The following WNT4 variants were observed in gnomAD, a reference collection of about 807,000 sequenced individuals.
WNT4 encodes the protein protein Wnt-4.
In WNT4, 16 loss-of-function variants were observed where a neutral mutation model predicts 34.5. The ratio of observed to expected loss-of-function variants is 0.46; its 90% CI spans 0.31 to 0.70. The LOEUF is 0.70. WNT4 is among the 30% of genes least tolerant of loss of function. The pLI is 0.04. For missense variants in WNT4, 379 were observed against 495.9 expected, an observed-to-expected ratio of 0.76 and a Z score of 2.24; for synonymous variants, 200 against 211.9, an observed-to-expected ratio of 0.94 and a Z score of 0.49.
At chr1:22,128,754 C>CT (rs1228035436) in intron 2 of WNT4, among the ~76,000 whole-genome samples, 1 of 151,384 alleles carries the variant, frequency 6.6e-6, no homozygotes. Context: ...GAGTCTAGCT[C>CT]TGTCTCCCAG....
At chr1:22,123,889 G>A (rs1226328314) in intron 2 of WNT4, among the ~76,000 whole-genome samples, 1 of 152,230 alleles carries the variant, frequency 6.6e-6, no homozygotes, top group East Asian at 1.9e-4. Flanking sequence ...CTTTACTGGG[G>A]GATGGTGAAC....
chr1:22,123,532 C>T (rs1437920095), intron 2 of WNT4, among the ~76,000 whole-genome samples: 1 of 152,228 alleles, frequency 6.6e-6, no homozygotes, highest in African/African-American at 2.4e-5. Context: ...TTACCATGTG[C>T]TGGGCTCTGT....
rs977435155 is a variant in WNT4, at chr1:22,142,733, G to C, written c.77+113C>G. ...CGAGCGAGCCTCCGGTCCCGCGGCC[G>C]AGACACCTGCCGGGCTGCCCCGCGC... is the stretch of plus-strand genomic sequence containing the variant. On this transcript the variant is annotated intron_variant, in intron 1 of 4. Coordinates refer to ENST00000290167, the MANE Select transcript of WNT4 (RefSeq NM_030761.5). The surrounding 1 kb of genome is among the most constrained non-coding windows in gnomAD (Gnocchi z 6.0). 20 of 752,758 alleles carry C rather than the reference G, an allele frequency of 2.7e-5. No homozygotes were observed. The highest frequency in any genetic ancestry group is 3.1e-5 in the Non-Finnish European group (19 of 618,492). The allele number at this position is 752,758 out of a possible 1,614,324, so 46.6% of individuals were successfully genotyped here. A position where few individuals can be genotyped will look rare whatever the true frequency, so the allele number is the denominator to read the frequency against.
intron 1 of WNT4, among the ~76,000 whole-genome samples, chr1:22,136,656 C>CG (rs1646024875): frequency 6.6e-6 from 1 of 152,018 alleles, no homozygotes; most frequent in East Asian, 1.9e-4. Flanking sequence ...TCAGCGGCTG[C>CG]GGGAACAGCT....
intron 3 of WNT4, 31 bp downstream of exon 3, chr1:22,121,414 C>A: frequency 6.2e-7 from 1 of 1,613,868 alleles, no homozygotes; most frequent in African/African-American, 1.3e-5. Flanking sequence ...AAGCCCCCTG[C>A]CCTCCCACTC....
In WNT4 at chr1:22,119,647, C is replaced by T. The variant is rs923385892; in HGVS notation, c.*403G>A. ...CCAGAGGGTGTGACTTCCATCAAGT[C>T]GGTACCTATTTTCCCTGCCATAAGG... On this transcript the variant is annotated 3_prime_UTR_variant, in exon 5 of 5. Coordinates refer to ENST00000290167, the MANE Select transcript of WNT4 (RefSeq NM_030761.5). The T allele has an allele frequency of 2.6e-5, 8 of 310,858 alleles. 1 individual carries two copies. Among genetic ancestry groups the T allele is most frequent in the East Asian group, 1.7e-4 (2 of 12,078 alleles). 19.3% of individuals were successfully genotyped at this position (310,858 alleles called of 1,614,324 possible).
At chr1:22,122,421 T>C (rs1285890569) in intron 2 of WNT4, among the ~76,000 whole-genome samples, 2 of 152,096 alleles carry the variant, frequency 1.3e-5, no homozygotes, top group Non-Finnish European at 2.9e-5. Flanking sequence ...TCAGTGGTTC[T>C]ATTTTGGTGC....
intron 1 of WNT4, among the ~76,000 whole-genome samples, chr1:22,131,824 G>A (rs974387209): frequency 4.6e-5 from 7 of 151,706 alleles, no homozygotes; most frequent in Non-Finnish European, 8.8e-5. Context: ...GGGCCTCCCC[G>A]CCCCTCCTTC....
chr1:22,140,268 G>C lies in WNT4; in HGVS notation c.77+2578C>G. ...TGCCTCCCCGAAGCTTTTCCTTCTA[G>C]AGGCAGCTTTTCAGTCGGACACCTC... is the stretch of plus-strand genomic sequence containing the variant. On this transcript the variant is annotated intron_variant, in intron 1 of 4. Coordinates refer to ENST00000290167, the MANE Select transcript of WNT4 (RefSeq NM_030761.5). The surrounding 1 kb of genome is among the most constrained non-coding windows in gnomAD (Gnocchi z 5.9). The C allele has an allele frequency of 1.0e-6, 1 of 985,476 alleles. No homozygotes were observed. The highest frequency in any genetic ancestry group is 1.7e-5 in the African/African-American group (1 of 57,366). 61.0% of individuals were successfully genotyped at this position (985,476 alleles called of 1,614,324 possible).
chr1:22,131,933 G>A (rs764928592), intron 1 of WNT4, among the ~76,000 whole-genome samples: 1 of 152,226 alleles, frequency 6.6e-6, no homozygotes, highest in Non-Finnish European at 1.5e-5. Context: ...ACAAGGGCAG[G>A]AAGGGGGCTG....
chr1:22,140,314 A>G lies in WNT4; in HGVS notation c.77+2532T>C, dbSNP rs1467991482. ...ACCTCTGGCATTTACCAGCTGGGTG[A>G]CTTGGGCAGTTACCTCTGCGATCCC... On this transcript the variant is annotated intron_variant, in intron 1 of 4. Transcript: ENST00000290167. This position sits in a 1 kb window ranked among gnomAD's most constrained non-coding sequence, Gnocchi z 5.9. The G allele has an allele frequency of 1.0e-6, 1 of 982,478 alleles. No homozygotes were observed. Among genetic ancestry groups the G allele is most frequent in the Non-Finnish European group, 1.2e-6 (1 of 827,328 alleles). The allele number at this position is 982,478 out of a possible 1,614,324, so 60.9% of individuals were successfully genotyped here. A position where few individuals can be genotyped will look rare whatever the true frequency, so the allele number is the denominator to read the frequency against.
chr1:22,136,040 C>T (rs1646019222), intron 1 of WNT4, among the ~76,000 whole-genome samples: 2 of 152,158 alleles, frequency 1.3e-5, no homozygotes, highest in Admixed American at 6.5e-5. Context: ...CATTTCACTC[C>T]TGAGGGCTCT....
rs1022775537 is a variant in WNT4, at chr1:22,137,519, A to G, written c.77+5327T>C. ...AGCCCCTCTTCCCAGAGGCAGGAAC[A>G]AGAGGAGGAGGCTTGGTGCAAATGC... On this transcript the variant is annotated intron_variant, in intron 1 of 4. Transcript: ENST00000290167. This position sits in a 1 kb window ranked among gnomAD's most constrained non-coding sequence, Gnocchi z 5.3. Among the ~76,000 whole-genome samples the G allele has an allele frequency of 6.6e-6, 1 of 152,190 alleles. No individual in the cohort carries two copies. Among genetic ancestry groups the G allele is most frequent in the African/African-American group, 2.4e-5 (1 of 41,436 alleles).
Position 22,119,969 on chromosome 1 carries a change from G to C in WNT4, c.*81C>G. On this transcript the variant is annotated 3_prime_UTR_variant, in exon 5 of 5. Transcript: ENST00000290167. ...CAAAAAATACAACCAGTATCTCTTGGGGTAGGTGGTGGGAGACTGTTTAAA... is the reference window on the plus strand; with the variant it reads ...CAAAAAATACAACCAGTATCTCTTGCGGTAGGTGGTGGGAGACTGTTTAAA... 2 of 1,511,204 alleles carry C rather than the reference G, an allele frequency of 1.3e-6. No individual in the cohort carries two copies. The highest frequency in any genetic ancestry group is 1.4e-5 in the African/African-American group (1 of 73,052). The allele number at this position is 1,511,204 out of a possible 1,614,324, so 93.6% of individuals were successfully genotyped here.
chr1:22,124,861 C>A (rs2124106673), intron 2 of WNT4, among the ~76,000 whole-genome samples: 1 of 152,216 alleles, frequency 6.6e-6, no homozygotes, highest in South Asian at 2.1e-4. Context: ...GGAGGTGAGG[C>A]CAGCTGGAGT....
At position 22,120,028 on chromosome 1, in the gene WNT4, C is replaced by A; in HGVS notation, c.*22G>T. ...CTTCCCTGGGCCACTAGGTGGTTGC[C>A]GGCGCAGGGCTAGGCAGGCGGTCAT... On this transcript the variant is annotated 3_prime_UTR_variant, in exon 5 of 5. Transcript: ENST00000290167. 2 of 1,602,768 alleles carry A rather than the reference C, an allele frequency of 1.2e-6. No individual in the cohort carries two copies. Among genetic ancestry groups the A allele is most frequent in the South Asian group, 1.1e-5 (1 of 90,748 alleles).
Position 22,120,272 on chromosome 1 carries a change from G to T in WNT4, c.834C>A (p.Asp278Glu), listed in dbSNP as rs914668665. Residue 278 changes from aspartate to glutamate, a missense_variant, in exon 5 of 5, where the codon GAC becomes GAA. By Grantham distance (45) the Asp-to-Glu change is conservative (BLOSUM62 2). Around this residue, in one of 2 missense-constraint regions of WNT4, gnomAD observed 313 missense variants for 445.8 expected, o/e 0.70. Transcript: ENST00000290167. ...CGCTGCGCATGTCCTGCTCACAGAA[G>T]TCGGGGCTAGGCTCCAAGTACACCA... ...EDLVYLEPSP[D>E]FCEQDMRSGV... 2 of 1,614,210 alleles carry T rather than the reference G, an allele frequency of 1.2e-6. No individual in the cohort carries two copies. Among genetic ancestry groups the T allele is most frequent in the Non-Finnish European group, 8.5e-7 (1 of 1,180,032 alleles).
At chr1:22,124,213 C>T (rs1645924262) in intron 2 of WNT4, among the ~76,000 whole-genome samples, 2 of 152,228 alleles carry the variant, frequency 1.3e-5, no homozygotes, top group Non-Finnish European at 2.9e-5. Flanking sequence ...AGATCCTGCT[C>T]CCTGGCCAGG....
chr1:22,117,816 T>C lies in WNT4; in HGVS notation c.*2234A>G, dbSNP rs1645861033. On this transcript the variant is annotated 3_prime_UTR_variant, in exon 5 of 5. Coordinates refer to ENST00000290167, the MANE Select transcript of WNT4 (RefSeq NM_030761.5). ...ACCAGCATCCAGCCTGGACCTACTG[T>C]TCCCTGGATGGGGAGAGTGGCTCAG... The C allele has an allele frequency of 6.6e-6, 1 of 152,258 alleles. No homozygotes were observed. The highest frequency in any genetic ancestry group is 1.5e-5 in the Non-Finnish European group (1 of 68,068). 9.4% of individuals were successfully genotyped at this position (152,258 alleles called of 1,614,324 possible).
Sources: allele counts gnomAD v4.1 joint callset (sites outside exome capture counted in the v4.1 genomes callset), GRCh38; gene constraint gnomAD v4.1.1; regional missense constraint gnomAD v4.1.1; non-coding constraint Gnocchi (gnomAD v3.1); transcripts MANE v1.5; gene names NCBI Gene and HGNC (gene_info 2026-07-23, HGNC 2026-07-21).